Variants in MAGI1 observed in about 807,000 individuals in gnomAD.
MAGI1 encodes the protein membrane-associated guanylate kinase, WW and PDZ domain-containing protein 1.
A neutral mutation model predicts 139.9 loss-of-function variants in MAGI1; 58 were observed. That is an observed-to-expected ratio of 0.41 (90% CI 0.34 to 0.52). The LOEUF is 0.52. Ranked by LOEUF, MAGI1 falls within the 20% of genes least tolerant of loss-of-function variation. The pLI, the probability that MAGI1 is intolerant of heterozygous loss-of-function variation, is 0.12. For missense variants in MAGI1, 1,874 were observed against 1,901.6 expected (o/e 0.99, Z 0.27); for synonymous variants, 812 against 737.9 (o/e 1.10, Z -1.63).
intron 2 of MAGI1, among the ~76,000 whole-genome samples, chr3:65,494,735 G>A (rs1383544869): frequency 6.6e-6 from 1 of 152,242 alleles, no homozygotes; most frequent in Non-Finnish European, 1.5e-5. Context: ...TAGTGGCGCT[G>A]AAGTTCTTAG....
chr3:65,956,002 C>T (rs999491503), intron 1 of MAGI1, among the ~76,000 whole-genome samples: 1 of 152,042 alleles, frequency 6.6e-6, no homozygotes, highest in Non-Finnish European at 1.5e-5. Flanking sequence ...CAGCCCTGGG[C>T]CGAAGGAGTG....
At chr3:65,960,690 C>G (rs2064379567) in intron 1 of MAGI1, among the ~76,000 whole-genome samples, 1 of 152,184 alleles carries the variant, frequency 6.6e-6, no homozygotes, top group African/African-American at 2.4e-5. Flanking sequence ...ATTTCATTGT[C>G]CACACAAATT....
chr3:65,967,811 T>C (rs2064829219), intron 1 of MAGI1, among the ~76,000 whole-genome samples: 1 of 152,158 alleles, frequency 6.6e-6, no homozygotes, highest in Non-Finnish European at 1.5e-5. Context: ...GTACCAGCTC[T>C]TGAAGACCTC....
At chr3:65,749,182 C>T (rs1381644503) in intron 1 of MAGI1, among the ~76,000 whole-genome samples, 1 of 152,152 alleles carries the variant, frequency 6.6e-6, no homozygotes, top group African/African-American at 2.4e-5. Flanking sequence ...GCCAGCAAAC[C>T]TCAGAGATCA....
chr3:65,579,880 G>C (rs994013404), intron 2 of MAGI1, among the ~76,000 whole-genome samples: 2 of 150,788 alleles, frequency 1.3e-5, no homozygotes, highest in South Asian at 4.2e-4. Context: ...AGTATCATTG[G>C]GACATTAAAA....
At chr3:65,661,745 GTT>G (rs11369893) in intron 1 of MAGI1, among the ~76,000 whole-genome samples, 55 of 93,906 alleles carry the variant, frequency 5.9e-4, no homozygotes, top group African/African-American at 7.2e-4. Flanking sequence ...GTTTTTTTCT[GTT>G]TTTTTTTTTT....
chr3:65,385,797 C>T (rs374798392), intron 14 of MAGI1, among the ~76,000 whole-genome samples: 100 of 152,176 alleles, frequency 6.6e-4, no homozygotes, highest in African/African-American at 2.3e-3. Context: ...CCCATAAACA[C>T]AATTTGAGAG....
At chr3:65,522,434 T>A (rs2078205626) in intron 2 of MAGI1, among the ~76,000 whole-genome samples, 1 of 152,174 alleles carries the variant, frequency 6.6e-6, no homozygotes, top group Non-Finnish European at 1.5e-5. Flanking sequence ...AAGAAAGGAT[T>A]CCTGTTCTCA....
intron 1 of MAGI1, among the ~76,000 whole-genome samples, chr3:65,983,752 T>C (rs4688623): frequency 0.72 from 110,046 of 152,048 alleles, 41,282 homozygotes; most frequent in East Asian, 0.95. Flanking sequence ...TAGTTGACAA[T>C]GGCCGCTTCC....
At chr3:66,037,957 T>C in intron 1 of MAGI1, 39 bp downstream of exon 1, 1 of 1,519,704 alleles carries the variant, frequency 6.6e-7, no homozygotes, top group Middle Eastern at 1.8e-4. Context: ...ACCACCCTCC[T>C]TTTCTCGGGG....
chr3:65,511,160 A>C (rs2077567225), intron 2 of MAGI1, among the ~76,000 whole-genome samples: 1 of 150,366 alleles, frequency 6.7e-6, no homozygotes, highest in South Asian at 2.1e-4. Flanking sequence ...GGAAGCGCTA[A>C]ACATGGAAAG....
chr3:65,406,793 A>ATC (rs148669462), intron 12 of MAGI1, among the ~76,000 whole-genome samples: 17,351 of 144,456 alleles, frequency 0.12, 1,360 homozygotes, highest in East Asian at 0.36. Flanking sequence ...ACAGTTATAG[A>ATC]TCTCTCTCTC....
intron 1 of MAGI1, among the ~76,000 whole-genome samples, chr3:65,835,902 G>T (rs1325467819): frequency 1.3e-5 from 2 of 152,102 alleles, no homozygotes; most frequent in Non-Finnish European, 2.9e-5. Context: ...ATTACATTAA[G>T]CACCTTGTTT....
chr3:65,553,189 C>T (rs1553666883), intron 2 of MAGI1, among the ~76,000 whole-genome samples: 1 of 150,856 alleles, frequency 6.6e-6, no homozygotes, highest in Non-Finnish European at 1.5e-5. Context: ...AAAATTAAGT[C>T]TGATTTAATC....
intron 1 of MAGI1, among the ~76,000 whole-genome samples, chr3:65,630,822 T>C (rs528844389): frequency 6.6e-6 from 1 of 152,282 alleles, no homozygotes; most frequent in South Asian, 2.1e-4. Context: ...AACTCATCCA[T>C]GTAACCAAAA....
chr3:65,478,699 G>A lies in MAGI1; in HGVS notation c.650C>T (p.Ser217Leu), dbSNP rs1466342657. ...GTAGGACTTGGTTCGCTTCGGGGTC[G>A]ACTGCTTAGAGCCAGACTGAAGGCT... ...LHSLQSGSKQ[S>L]TPKRTKSYND... The change falls in exon 4 of 23, where the codon TCG becomes TTG. Residue 217 changes from serine to leucine, a missense_variant. Transcript: ENST00000402939. The A allele has an allele frequency of 1.9e-6, 3 of 1,613,876 alleles. No individual in the cohort carries two copies. The highest frequency in any genetic ancestry group is 3.3e-5 in the Admixed American group (2 of 59,962).
At chr3:65,385,001 C>A (rs1943340241) in intron 14 of MAGI1, among the ~76,000 whole-genome samples, 1 of 152,060 alleles carries the variant, frequency 6.6e-6, no homozygotes, top group Non-Finnish European at 1.5e-5. Context: ...ATGGTGATGA[C>A]AAAAAGTCTA....
At chr3:65,632,346 AT>A (rs2107165187) in intron 1 of MAGI1, among the ~76,000 whole-genome samples, 1 of 152,318 alleles carries the variant, frequency 6.6e-6, no homozygotes, top group African/African-American at 2.4e-5. Context: ...TCAACAATGT[AT>A]TAAAGAGACC....
At chr3:65,389,788 T>C (rs1170536387) in intron 14 of MAGI1, among the ~76,000 whole-genome samples, 1 of 152,220 alleles carries the variant, frequency 6.6e-6, no homozygotes, top group East Asian at 1.9e-4. Context: ...AGTGGGCTTT[T>C]TGTCAGCAGA....
Sources: gnomAD v4.1 joint callset for allele counts (sites outside exome capture counted in the v4.1 genomes callset) on GRCh38, gnomAD v4.1.1 for gene constraint, MANE v1.5 for transcripts, NCBI Gene and HGNC (gene_info 2026-07-23, HGNC 2026-07-21) for gene names.